Variants in LOC400499 observed in about 807,000 individuals in gnomAD.
chr16:11,456,858 C>CTTCCA, the LOC400499 span: 1 of 1,536,292 alleles, frequency 6.5e-7, no homozygotes, highest in East Asian at 2.4e-5. Flanking sequence ...CCAACACTCA[C>CTTCCA]CTTCCCACTT....
At chr16:11,514,433 G>C in the LOC400499 span, 1 of 399,170 alleles carries the variant, frequency 2.5e-6, no homozygotes. Flanking sequence ...CACAGCGCTT[G>C]CCTTTGCAGG....
the LOC400499 span, among the ~76,000 whole-genome samples, chr16:11,426,291 C>T: frequency 1.3e-5 from 2 of 152,064 alleles, no homozygotes; most frequent in Admixed American, 1.3e-4. Flanking sequence ...TAAAAATTAG[C>T]CAGGTGTGGT....
chr16:11,525,789 C>T, the LOC400499 span, among the ~76,000 whole-genome samples: 1 of 152,164 alleles, frequency 6.6e-6, no homozygotes, highest in Non-Finnish European at 1.5e-5. Flanking sequence ...CCTTCCATTT[C>T]CTGAACGCTT....
At chr16:11,496,218 C>A in the LOC400499 span, among the ~76,000 whole-genome samples, 2 of 152,262 alleles carry the variant, frequency 1.3e-5, no homozygotes, top group African/African-American at 4.8e-5. Context: ...AGATGTCTGC[C>A]ACCACGCCTG....
chr16:11,493,047 C>T, the LOC400499 span, among the ~76,000 whole-genome samples: 1 of 152,050 alleles, frequency 6.6e-6, no homozygotes. Context: ...TGAGGAAGAA[C>T]AGAAAGGGCA....
At chr16:11,440,429 T>C in the LOC400499 span, among the ~76,000 whole-genome samples, 3,946 of 152,320 alleles carry the variant, frequency 0.026, 176 homozygotes, top group African/African-American at 0.084. Context: ...TCCATCTGCC[T>C]GCTGGGGCAC....
chr16:11,502,470 A>C, the LOC400499 span, among the ~76,000 whole-genome samples: 1 of 152,248 alleles, frequency 6.6e-6, no homozygotes, highest in African/African-American at 2.4e-5. Context: ...ATGGCAGTGA[A>C]AGAACAGGCA....
the LOC400499 span, chr16:11,487,415 C>G: frequency 1.3e-4 from 50 of 398,754 alleles, no homozygotes; most frequent in African/African-American, 9.9e-4. Context: ...CATCAGTACA[C>G]TCTGTACACT....
At chr16:11,524,846 C>T in the LOC400499 span, among the ~76,000 whole-genome samples, 3 of 152,106 alleles carry the variant, frequency 2.0e-5, no homozygotes, top group South Asian at 2.1e-4. Context: ...AGGCATCACC[C>T]GTGCCCTCCT....
At chr16:11,446,114 C>T in the LOC400499 span, among the ~76,000 whole-genome samples, 1 of 151,542 alleles carries the variant, frequency 6.6e-6, no homozygotes, top group Non-Finnish European at 1.5e-5. Context: ...TATGAGCCAC[C>T]ACACCTGGCC....
chr16:11,382,872 G>GCTTA, the LOC400499 span, among the ~76,000 whole-genome samples: 1 of 152,132 alleles, frequency 6.6e-6, no homozygotes, highest in African/African-American at 2.4e-5. Context: ...TGGACACTTA[G>GCTTA]CTTAGTAGGG....
the LOC400499 span, chr16:11,411,188 C>A: frequency 9.5e-5 from 38 of 399,108 alleles, no homozygotes; most frequent in Non-Finnish European, 1.6e-4. Context: ...TGGCCCCCTC[C>A]TGCCTCGGGC....
chr16:11,404,922 G>A, the LOC400499 span: 1 of 398,748 alleles, frequency 2.5e-6, no homozygotes, highest in Non-Finnish European at 4.4e-6. Flanking sequence ...TGCCTGGGAT[G>A]GGAAAGAAGA....
the LOC400499 span, among the ~76,000 whole-genome samples, chr16:11,505,142 T>A: frequency 1.1e-4 from 16 of 145,632 alleles, no homozygotes; most frequent in African/African-American, 4.1e-4. Context: ...CTATATGCAA[T>A]GGCTTAAAAA....
At chr16:11,471,956 C>T in the LOC400499 span, 1 of 397,230 alleles carries the variant, frequency 2.5e-6, no homozygotes, top group Admixed American at 4.4e-5. Context: ...AGACAGGACT[C>T]CTGTGAGGCA....
At chr16:11,451,612 C>T in the LOC400499 span, among the ~76,000 whole-genome samples, 17 of 152,118 alleles carry the variant, frequency 1.1e-4, no homozygotes, top group African/African-American at 4.1e-4. Context: ...GGTAGAAATG[C>T]TGAGGGCTGT....
chr16:11,409,214 T>A, the LOC400499 span, among the ~76,000 whole-genome samples: 1 of 151,756 alleles, frequency 6.6e-6, no homozygotes, highest in Non-Finnish European at 1.5e-5. Flanking sequence ...TGAGTCGAGA[T>A]CACGCCTCTG....
At chr16:11,484,503 T>G in the LOC400499 span, among the ~76,000 whole-genome samples, 1 of 152,088 alleles carries the variant, frequency 6.6e-6, no homozygotes, top group Non-Finnish European at 1.5e-5. Flanking sequence ...TAGAACAAAC[T>G]GATGCTGCCA....
the LOC400499 span, among the ~76,000 whole-genome samples, chr16:11,388,600 C>T: frequency 5.9e-5 from 9 of 152,150 alleles, no homozygotes; most frequent in Admixed American, 1.3e-4. Context: ...TGGGCTCCCC[C>T]CTTCTATCCA....
Sources: allele counts gnomAD v4.1 joint callset (sites outside exome capture counted in the v4.1 genomes callset), GRCh38; gene constraint gnomAD v4.1.1; transcripts MANE v1.5.